Variants in TAOK3 observed in about 807,000 individuals in gnomAD.
TAOK3 encodes TAO kinase 3, also known as serine/threonine-protein kinase TAO3.
In TAOK3, 40 loss-of-function variants were observed where a neutral mutation model predicts 120.4. The observed-to-expected ratio is 0.33, with a 90% CI of 0.26 to 0.43. The LOEUF (loss-of-function observed/expected upper bound fraction) is 0.43. TAOK3 is among the 20% of genes least tolerant of loss of function. The probability of loss-of-function intolerance (pLI) is 1.00; values close to 1 mark genes in which losing one functional copy is unlikely to be tolerated. For synonymous variants in TAOK3, 355 were observed against 387.5 expected, an observed-to-expected ratio of 0.92 and a Z score of 0.99; for missense variants, 821 against 1,112.1, an observed-to-expected ratio of 0.74 and a Z score of 3.72.
At chr12:118,216,669 C>G (rs895482872) in intron 9 of TAOK3, among the ~76,000 whole-genome samples, 3 of 152,106 alleles carry the variant, frequency 2.0e-5, no homozygotes, top group Non-Finnish European at 4.4e-5. Flanking sequence ...TGGCTCACGC[C>G]TGTAATTCCA....
chr12:118,339,274 A>AATTTT (rs2044502690), intron 1 of TAOK3, among the ~76,000 whole-genome samples: 1 of 104,940 alleles, frequency 9.5e-6, no homozygotes, highest in African/African-American at 3.9e-5. Flanking sequence ...TCTTCATCAT[A>AATTTT]CTTTTTTTTT....
chr12:118,326,236 T>A (rs116210669), intron 1 of TAOK3, among the ~76,000 whole-genome samples: 89 of 152,334 alleles, frequency 5.8e-4, no homozygotes, highest in African/African-American at 2.0e-3. Context: ...CATATGGATA[T>A]CCAGTTTTGC....
chr12:118,231,688 C>T (rs1323253254), intron 9 of TAOK3, among the ~76,000 whole-genome samples: 1 of 152,012 alleles, frequency 6.6e-6, no homozygotes, highest in Admixed American at 6.6e-5. Context: ...CTTTGGGAGG[C>T]CGAGGCGGGT....
chr12:118,257,106 G>A (rs1363185077), intron 2 of TAOK3, among the ~76,000 whole-genome samples: 1 of 152,094 alleles, frequency 6.6e-6, no homozygotes, highest in Non-Finnish European at 1.5e-5. Context: ...CTAAGACTTT[G>A]ATGGGCTAAA....
intron 1 of TAOK3, among the ~76,000 whole-genome samples, chr12:118,293,552 G>A (rs1286949028): frequency 6.6e-6 from 1 of 152,080 alleles, no homozygotes; most frequent in Non-Finnish European, 1.5e-5. Flanking sequence ...GCACGCACCT[G>A]TAATGCTAGC....
At chr12:118,207,968 G>C (rs1048478093) in intron 11 of TAOK3, among the ~76,000 whole-genome samples, 2 of 151,232 alleles carry the variant, frequency 1.3e-5, no homozygotes. Flanking sequence ...GTTCCTAACA[G>C]ATCCTCTAAA....
intron 12 of TAOK3, chr12:118,200,535 C>G (rs1442949138): frequency 6.6e-6 from 1 of 152,178 alleles, no homozygotes; most frequent in Non-Finnish European, 1.5e-5. Context: ...CTCCAGTAAT[C>G]TACTATTCAT....
intron 1 of TAOK3, among the ~76,000 whole-genome samples, chr12:118,319,843 A>G (rs1566112465): frequency 6.6e-6 from 1 of 152,144 alleles, no homozygotes; most frequent in Non-Finnish European, 1.5e-5. Context: ...CTCTACTCCC[A>G]GTTATATACC....
chr12:118,287,002 G>A (rs1296236268), intron 1 of TAOK3, among the ~76,000 whole-genome samples: 1 of 152,174 alleles, frequency 6.6e-6, no homozygotes. Context: ...TCACTCATAA[G>A]TGGGAGCTAA....
chr12:118,305,921 A>T (rs1040634612), intron 1 of TAOK3, among the ~76,000 whole-genome samples: 55 of 152,126 alleles, frequency 3.6e-4, no homozygotes, highest in African/African-American at 1.3e-3. Flanking sequence ...AAAAAAAAAA[A>T]AAAAAGTTGG....
chr12:118,349,914 G>A lies in TAOK3; in HGVS notation c.-194+22734C>T, dbSNP rs138825284. Among the ~76,000 whole-genome samples the A allele has an allele frequency of 1.2e-3, 185 of 152,298 alleles. 1 individual carries two copies. Among genetic ancestry groups the A allele is most frequent in the African/African-American group, 4.0e-3 (165 of 41,560 alleles). ...CTTAACTCTCTTACTTAACTGTGGC[G>A]TCTTTAGGATGCAGCTGAACTTCTC... On this transcript the variant is annotated intron_variant, in intron 1 of 20. Transcript: ENST00000392533.
At chr12:118,370,236 T>G (rs543424219) in intron 1 of TAOK3, among the ~76,000 whole-genome samples, 31 of 152,330 alleles carry the variant, frequency 2.0e-4, no homozygotes, top group Non-Finnish European at 3.1e-4. Flanking sequence ...GAAGAACTGC[T>G]CTGTATCAGG....
chr12:118,306,263 G>GT (rs768144198), intron 1 of TAOK3, among the ~76,000 whole-genome samples: 3 of 151,994 alleles, frequency 2.0e-5, no homozygotes, highest in Non-Finnish European at 2.9e-5. Flanking sequence ...CCTGATAGTT[G>GT]TTTTTTCTGA....
intron 1 of TAOK3, chr12:118,283,795 G>T: frequency 5.3e-6 from 1 of 189,536 alleles, no homozygotes; most frequent in Non-Finnish European, 1.1e-5. Context: ...AGGAAATGGT[G>T]GGCACAAAGG....
At chr12:118,183,308 C>G (rs1000134834) in intron 14 of TAOK3, among the ~76,000 whole-genome samples, 1 of 152,158 alleles carries the variant, frequency 6.6e-6, no homozygotes, top group East Asian at 1.9e-4. Flanking sequence ...GAGTGCTGTT[C>G]TGTAACTAGA....
At chr12:118,266,503 A>G (rs999256478) in intron 2 of TAOK3, among the ~76,000 whole-genome samples, 152 bp downstream of exon 2, 2 of 152,106 alleles carry the variant, frequency 1.3e-5, no homozygotes, top group South Asian at 4.1e-4. Flanking sequence ...CACCCGGCCA[A>G]AGATTTTTAT....
intron 5 of TAOK3, among the ~76,000 whole-genome samples, chr12:118,242,882 A>ACAAACAAT (rs1555229407): frequency 6.7e-6 from 1 of 148,982 alleles, no homozygotes; most frequent in Non-Finnish European, 1.5e-5. Context: ...AAACAAACAA[A>ACAAACAAT]ATATATATAT....
intron 17 of TAOK3, among the ~76,000 whole-genome samples, chr12:118,169,563 A>G (rs1225114383): frequency 2.5e-4 from 36 of 144,836 alleles, no homozygotes; most frequent in East Asian, 1.3e-3. Context: ...CGCCTGCCTG[A>G]GCCTCCCAAA....
chr12:118,342,798 G>A (rs186350735), intron 1 of TAOK3, among the ~76,000 whole-genome samples: 225 of 152,040 alleles, frequency 1.5e-3, no homozygotes, highest in Middle Eastern at 3.4e-3. Flanking sequence ...GCCAGGCAAG[G>A]TAGCAGGTGC....
Sources: allele counts gnomAD v4.1 joint callset (sites outside exome capture counted in the v4.1 genomes callset), GRCh38; gene constraint gnomAD v4.1.1; transcripts MANE v1.5; gene names NCBI Gene and HGNC (gene_info 2026-07-23, HGNC 2026-07-21).